Variants in OPCML observed in about 807,000 individuals in gnomAD.
OPCML encodes opioid binding protein/cell adhesion molecule like, also known as opioid-binding protein/cell adhesion molecule.
OPCML carries 13 observed loss-of-function variants against 37.8 expected under a neutral mutation model. The ratio of observed to expected loss-of-function variants is 0.34; its 90% confidence interval spans 0.22 to 0.55. OPCML has a LOEUF of 0.55. Ranked by LOEUF, OPCML falls within the 20% of genes least tolerant of loss-of-function variation. OPCML has a pLI of 0.91. For synonymous variants in OPCML, 176 were observed against 168.8 expected (o/e 1.04, Z -0.33); for missense variants, 341 against 435.6 (o/e 0.78, Z 1.93).
intron 1 of OPCML, among the ~76,000 whole-genome samples, chr11:132,976,188 A>T (rs1946459274): frequency 6.6e-6 from 1 of 152,188 alleles, no homozygotes; most frequent in Admixed American, 6.5e-5. Flanking sequence ...AAAGGGTAGA[A>T]ATGCCAGCAA....
intron 1 of OPCML, among the ~76,000 whole-genome samples, chr11:133,130,513 A>G (rs907946685): frequency 2.0e-5 from 3 of 152,210 alleles, no homozygotes; most frequent in African/African-American, 7.2e-5. Context: ...AAAAGAAATC[A>G]AAGACCTAAA....
intron 1 of OPCML, among the ~76,000 whole-genome samples, chr11:133,425,682 G>A (rs773318450): frequency 3.3e-5 from 5 of 152,074 alleles, no homozygotes; most frequent in Non-Finnish European, 4.4e-5. Flanking sequence ...CATGGAGTAG[G>A]GGTCTACAGC....
At chr11:132,477,449 G>A (rs562720628) in intron 4 of OPCML, among the ~76,000 whole-genome samples, 78 of 152,308 alleles carry the variant, frequency 5.1e-4, no homozygotes, top group Middle Eastern at 6.8e-3. Context: ...CAGTCCAGCC[G>A]AACTTGGAGT....
rs117734190 is a variant in OPCML at position 132,896,918 on chromosome 11, G to A, written c.146+46008C>T. On this transcript the variant is annotated intron_variant, in intron 2 of 7. Transcript: ENST00000524381. ...GAAGGATATGTTGTGTATCTGGCTC[G>A]TCCTACAACCAAGAAAGAGATACCA... 6.0e-3 allele frequency among the ~76,000 whole-genome samples: 907 copies of A among 152,262 alleles called. 3 individuals carry two copies. Among genetic ancestry groups the A allele is most frequent in the Non-Finnish European group, 0.01 (705 of 68,016 alleles).
At chr11:132,835,969 T>C (rs1199499307) in intron 2 of OPCML, among the ~76,000 whole-genome samples, 1 of 152,224 alleles carries the variant, frequency 6.6e-6, no homozygotes, top group Non-Finnish European at 1.5e-5. Context: ...TCATGTTCTC[T>C]ATCCTTTGGT....
intron 1 of OPCML, among the ~76,000 whole-genome samples, chr11:133,027,922 A>G (rs1947594880): frequency 6.8e-6 from 1 of 146,090 alleles, no homozygotes; most frequent in Admixed American, 7.0e-5. Flanking sequence ...AGAGATGGCT[A>G]CAACCTGAGT....
chr11:132,775,722 G>T (rs1946785796), intron 2 of OPCML, among the ~76,000 whole-genome samples: 1 of 152,162 alleles, frequency 6.6e-6, no homozygotes, highest in South Asian at 2.1e-4. Flanking sequence ...TCCTGCAGAG[G>T]CTCCTAGAAA....
Position 132,784,360 on chromosome 11 carries a change from T to C in OPCML, c.147-127041A>G, listed in dbSNP as rs182515623. ...CTAACCGATCACACAGAATGACTTC[T>C]ATCTAGTTAGCCCATCTACCTCTTC... On this transcript the variant is annotated intron_variant, in intron 2 of 7. Coordinates refer to ENST00000524381, the MANE Select transcript of OPCML (RefSeq NM_001012393.5). 9.1e-4 allele frequency among the ~76,000 whole-genome samples: 138 copies of C among 152,276 alleles called. 2 individuals carry two copies. The highest frequency in any genetic ancestry group is 4.4e-5 in the Non-Finnish European group (3 of 68,014).
At chr11:132,501,079 A>G (rs550289097) in intron 4 of OPCML, among the ~76,000 whole-genome samples, 14 of 144,704 alleles carry the variant, frequency 9.7e-5, no homozygotes, top group African/African-American at 3.1e-4. Context: ...CAGTAATGGG[A>G]TTGCTGGGCC....
chr11:132,697,309 C>G (rs1456931102), intron 2 of OPCML, among the ~76,000 whole-genome samples: 1 of 152,102 alleles, frequency 6.6e-6, no homozygotes, highest in Admixed American at 6.6e-5. Flanking sequence ...AAGAGATCTT[C>G]TAGCAAATTT....
chr11:133,200,824 T>C (rs1938748273), intron 1 of OPCML, among the ~76,000 whole-genome samples: 2 of 152,200 alleles, frequency 1.3e-5, no homozygotes, highest in African/African-American at 4.8e-5. Context: ...TAAAGACATA[T>C]ACACCCATAT....
At chr11:132,969,209 T>A (rs1163782086) in intron 1 of OPCML, among the ~76,000 whole-genome samples, 1 of 152,064 alleles carries the variant, frequency 6.6e-6, no homozygotes, top group Non-Finnish European at 1.5e-5. Flanking sequence ...CTATTTTTGA[T>A]TGACTCTTTT....
intron 1 of OPCML, among the ~76,000 whole-genome samples, chr11:133,018,468 C>T (rs1311308755): frequency 1.3e-5 from 2 of 152,144 alleles, no homozygotes; most frequent in Admixed American, 1.3e-4. Context: ...ACAACACCCC[C>T]AGAAACACTA....
chr11:133,328,524 A>G lies in OPCML; in HGVS notation c.61+203740T>C, dbSNP rs140939370. ...AATTCCTGGCATATAGTAATGCAAT[A>G]CTCAAAACCTCAGTTTTCATCATTA... On this transcript the variant is annotated intron_variant, in intron 1 of 7. Coordinates refer to ENST00000524381, the MANE Select transcript of OPCML (RefSeq NM_001012393.5). 9.3e-4 allele frequency among the ~76,000 whole-genome samples: 141 copies of G among 152,328 alleles called. 1 individual carries two copies. The highest frequency in any genetic ancestry group is 3.4e-3 in the Middle Eastern group (1 of 294).
intron 1 of OPCML, among the ~76,000 whole-genome samples, chr11:133,470,938 G>A (rs1947096636): frequency 6.6e-6 from 1 of 152,154 alleles, no homozygotes. Flanking sequence ...CAGAGAGTTG[G>A]CAAATTTTGT....
intron 2 of OPCML, among the ~76,000 whole-genome samples, chr11:132,886,708 C>T (rs562980081): frequency 2.0e-5 from 3 of 152,374 alleles, no homozygotes; most frequent in East Asian, 3.9e-4. Flanking sequence ...AGACTCCTCC[C>T]TGTGCTGGGG....
At chr11:133,422,885 T>G (rs560113711) in intron 1 of OPCML, 403 of 964,044 alleles carry the variant, frequency 4.2e-4, no homozygotes, top group Non-Finnish European at 4.7e-4. Flanking sequence ...AGGCTTAGGA[T>G]GAAGAATCTC....
chr11:132,497,826 G>A (rs2096236203), intron 4 of OPCML, among the ~76,000 whole-genome samples: 1 of 152,142 alleles, frequency 6.6e-6, no homozygotes, highest in African/African-American at 2.4e-5. Context: ...AACTACCAAA[G>A]GTAGAGAAGA....
chr11:132,561,219 G>A (rs1181714933), intron 3 of OPCML, among the ~76,000 whole-genome samples: 1 of 152,150 alleles, frequency 6.6e-6, no homozygotes, highest in Admixed American at 6.5e-5. Flanking sequence ...CTCTTACCCT[G>A]TCTTAAGTGA....
Sources: gnomAD v4.1 joint callset for allele counts (sites outside exome capture counted in the v4.1 genomes callset) on GRCh38, gnomAD v4.1.1 for gene constraint, MANE v1.5 for transcripts, NCBI Gene and HGNC (gene_info 2026-07-23, HGNC 2026-07-21) for gene names.